The following IGDCC3 variants were observed in gnomAD, a reference collection of about 807,000 sequenced individuals.
The protein encoded by IGDCC3 is putative neuronal cell adhesion molecule.
IGDCC3 carries 47 observed loss-of-function variants against 72.0 expected under a neutral mutation model. That is an observed-to-expected ratio of 0.65 (90% CI 0.52 to 0.83). The LOEUF (loss-of-function observed/expected upper bound fraction) is 0.83, where lower values mean the gene tolerates loss of function less well. Among genes scored for constraint, IGDCC3 ranks in the 40% least tolerant of loss-of-function variants. The probability of loss-of-function intolerance (pLI) is 0.00; values close to 1 mark genes in which losing one functional copy is unlikely to be tolerated. For synonymous variants in IGDCC3, 477 were observed against 472.8 expected (o/e 1.01, Z -0.11); for missense variants, 1,038 against 1,091.3 (o/e 0.95, Z 0.69).
Position 65,377,754 on chromosome 15 carries a change from G to C in IGDCC3, c.35C>G (p.Pro12Arg), listed in dbSNP as rs1281026550. The change falls in exon 1 of 14, where the codon CCG becomes CGG. Residue 12 changes from proline to arginine, a missense_variant. Coordinates refer to ENST00000327987, the MANE Select transcript of IGDCC3 (RefSeq NM_004884.4). This position sits in a 1 kb window ranked among gnomAD's most constrained non-coding sequence, Gnocchi z 4.9. The part of the protein sequence containing the change: ...AVQRAASPRR[P>R]PAPLWPRLLL... ...GAGCCGGGGCCAGAGCGGGGCGGGC[G>C]GGCGGCGCGGAGACGCGGCGCGCTG... is the stretch of plus-strand genomic sequence containing the variant. The C allele has an allele frequency of 2.3e-6, 3 of 1,312,102 alleles. No homozygotes were observed. The highest frequency in any genetic ancestry group is 4.1e-5 in the Admixed American group (1 of 24,516). 81.3% of individuals were successfully genotyped at this position (1,312,102 alleles called of 1,614,324 possible). A position where few individuals can be genotyped will look rare whatever the true frequency, so the allele number is the denominator to read the frequency against.
At chr15:65,362,463 C>T (rs2091267557) in intron 2 of IGDCC3, among the ~76,000 whole-genome samples, 1 of 151,886 alleles carries the variant, frequency 6.6e-6, no homozygotes, top group African/African-American at 2.4e-5. Flanking sequence ...GAGGTATCCC[C>T]TCCAAGCCAG....
At chr15:65,361,912 A>G (rs1425369539) in intron 2 of IGDCC3, among the ~76,000 whole-genome samples, 1 of 152,182 alleles carries the variant, frequency 6.6e-6, no homozygotes, top group East Asian at 1.9e-4. Flanking sequence ...CGCCCCGCCC[A>G]GGGCAGAGCC....
chr15:65,350,676 G>A (rs1470065165), intron 2 of IGDCC3, among the ~76,000 whole-genome samples: 3 of 151,908 alleles, frequency 2.0e-5, no homozygotes, highest in African/African-American at 7.3e-5. Context: ...TTCCCAGGCT[G>A]GTCTCGAACT....
chr15:65,345,281 A>C (rs928079619), intron 2 of IGDCC3, among the ~76,000 whole-genome samples: 5 of 152,000 alleles, frequency 3.3e-5, no homozygotes, highest in African/African-American at 1.2e-4. Context: ...GGCCAGGTGC[A>C]GTGATTCATG....
intron 2 of IGDCC3, among the ~76,000 whole-genome samples, chr15:65,355,552 G>C (rs1027922120): frequency 6.7e-6 from 1 of 149,648 alleles, no homozygotes; most frequent in African/African-American, 2.4e-5. Flanking sequence ...CGGCGGCCGG[G>C]CCCGAGGCGG....
rs191564763 is a variant in IGDCC3, at chr15:65,352,868, T to C, written c.410-16912A>G. Reference sequence around the variant, plus strand: ...GTTTCAAGAACTATGGTACACTTATTGTTAAAGTCTAGTCTCATTAGTTGT... The same window carrying C: ...GTTTCAAGAACTATGGTACACTTATCGTTAAAGTCTAGTCTCATTAGTTGT... On this transcript the variant is annotated intron_variant, in intron 2 of 13. Transcript: ENST00000327987. Among the ~76,000 whole-genome samples the C allele has an allele frequency of 9.8e-5, 15 of 152,370 alleles. No homozygotes were observed. The East Asian group carries it at 2.9e-3, about 29-fold the overall frequency.
chr15:65,331,535 C>G lies in IGDCC3; in HGVS notation c.1273G>C (p.Gly425Arg), dbSNP rs780318295. 11 of 1,613,734 alleles carry G rather than the reference C, an allele frequency of 6.8e-6. No individual in the cohort carries two copies. Among genetic ancestry groups the G allele is most frequent in the Admixed American group, 5.0e-5 (3 of 59,996 alleles). The stretch of plus-strand genomic sequence containing the variant: ...ACTGCCCGCACATTGCGGGGAGGCC[C>G]GGGGAGCCCCTCAGCCCACAGTACG... ...LTVLWAEGLP[G>R]PPRNVRAVSV... The change falls in exon 8 of 14, where the codon GGG (glycine) becomes CGG (arginine). Residue 425 changes from glycine (G) to arginine (R), a missense_variant. Gly to Arg is a moderately radical substitution (Grantham distance 125). Transcript: ENST00000327987.
At chr15:65,369,395 CCA>C (rs2091309365) in intron 2 of IGDCC3, among the ~76,000 whole-genome samples, 1 of 152,202 alleles carries the variant, frequency 6.6e-6, no homozygotes, top group African/African-American at 2.4e-5. Flanking sequence ...GGCTTTTCTA[CCA>C]CACAACTTCT....
chr15:65,351,459 G>A (rs536718449), intron 2 of IGDCC3, among the ~76,000 whole-genome samples: 16 of 151,928 alleles, frequency 1.1e-4, no homozygotes, highest in East Asian at 1.9e-4. Flanking sequence ...GTGTGAACCC[G>A]GGAGGCAGAG....
intron 2 of IGDCC3, among the ~76,000 whole-genome samples, chr15:65,362,941 G>A (rs928157095): frequency 2.2e-5 from 3 of 135,300 alleles, no homozygotes; most frequent in African/African-American, 5.5e-5. Context: ...TGCAGCCTCC[G>A]CCTCCCGGGT....
At position 65,339,107 on chromosome 15, in the gene IGDCC3, A is replaced by C. The variant is rs1215187900; in HGVS notation, c.410-3151T>G. ...TTTTTTCTTTTTCTTTTTGAGACGGAATCTTGCTCTGTCACCCAGGCTGGA... is the reference window on the plus strand; with the variant it reads ...TTTTTTCTTTTTCTTTTTGAGACGGCATCTTGCTCTGTCACCCAGGCTGGA... On this transcript the variant is annotated intron_variant, in intron 2 of 13. Coordinates refer to ENST00000327987, the MANE Select transcript of IGDCC3 (RefSeq NM_004884.4). The surrounding 1 kb of genome is among the most constrained non-coding windows in gnomAD (Gnocchi z 4.1). 6.6e-6 allele frequency among the ~76,000 whole-genome samples: 1 copy of C among 151,700 alleles called. No individual in the cohort carries two copies. The highest frequency in any genetic ancestry group is 1.5e-5 in the Non-Finnish European group (1 of 67,914).
At chr15:65,369,786 AC>A (rs1265002688) in intron 2 of IGDCC3, among the ~76,000 whole-genome samples, 2 of 151,192 alleles carry the variant, frequency 1.3e-5, no homozygotes, top group East Asian at 3.9e-4. Flanking sequence ...TCCCTCCATG[AC>A]CCACCTCCCT....
At chr15:65,365,520 A>T (rs2091284560) in intron 2 of IGDCC3, among the ~76,000 whole-genome samples, 2 of 152,096 alleles carry the variant, frequency 1.3e-5, no homozygotes, top group Non-Finnish European at 2.9e-5. Context: ...GTCAGTGTCC[A>T]GGCTCAGAGA....
chr15:65,337,960 T>C (rs138066545), intron 2 of IGDCC3, among the ~76,000 whole-genome samples: 1 of 152,324 alleles, frequency 6.6e-6, no homozygotes, highest in African/African-American at 2.4e-5. Context: ...CTGGGCTCCC[T>C]GGAGGCACCC....
Position 65,329,643 on chromosome 15 carries a change from A to C in IGDCC3, c.1998-46T>G. Reference sequence around the variant, plus strand: ...GGGGGGAGGGAGAGAGAAAAGAGACAGAGGCAGTGAGCCCACACTCACCTT... The same window carrying C: ...GGGGGGAGGGAGAGAGAAAAGAGACCGAGGCAGTGAGCCCACACTCACCTT... On this transcript the variant is annotated intron_variant, in intron 12 of 13. Transcript: ENST00000327987. This position sits in a 1 kb window ranked among gnomAD's most constrained non-coding sequence, Gnocchi z 4.1. 1 of 1,610,956 alleles carries C rather than the reference A, an allele frequency of 6.2e-7. No individual in the cohort carries two copies. Among genetic ancestry groups the C allele is most frequent in the Non-Finnish European group, 8.5e-7 (1 of 1,177,482 alleles).
At position 65,329,957 on chromosome 15, in the gene IGDCC3, T is replaced by A. The variant is rs929886233; in HGVS notation, c.1859-93A>T. 4.4e-6 allele frequency: 6 copies of A among 1,370,728 alleles called. No homozygotes were observed. The East Asian group carries it at 6.9e-5, about 16-fold the overall frequency. 84.9% of individuals were successfully genotyped at this position (1,370,728 alleles called of 1,614,324 possible). On this transcript the variant is annotated intron_variant, in intron 11 of 13. Coordinates refer to ENST00000327987, the MANE Select transcript of IGDCC3 (RefSeq NM_004884.4). This position sits in a 1 kb window ranked among gnomAD's most constrained non-coding sequence, Gnocchi z 4.1. The stretch of plus-strand genomic sequence containing the variant: ...TGGGGACTCCTCTTCCTTCAGCTGC[T>A]CCCACTCCCAAGTGGGAGTGGGAAC...
chr15:65,364,656 G>T (rs1223487820), intron 2 of IGDCC3, among the ~76,000 whole-genome samples: 1 of 151,946 alleles, frequency 6.6e-6, no homozygotes, highest in Non-Finnish European at 1.5e-5. Context: ...GGAGGGTGAG[G>T]TGGGAGGATT....
rs1017358344 is a variant in IGDCC3 at position 65,329,306 on chromosome 15, G to A, written c.2205+84C>T. ...TGACTAAGGCCAATGATCGAGGCCCGTGGCCAAGGTGAAGGGGGGCAGGAT... is the reference window on the plus strand; with the variant it reads ...TGACTAAGGCCAATGATCGAGGCCCATGGCCAAGGTGAAGGGGGGCAGGAT... On this transcript the variant is annotated intron_variant, in intron 13 of 13. Coordinates refer to ENST00000327987, the MANE Select transcript of IGDCC3 (RefSeq NM_004884.4). This position sits in a 1 kb window ranked among gnomAD's most constrained non-coding sequence, Gnocchi z 4.1. The A allele has an allele frequency of 6.1e-6, 9 of 1,477,598 alleles. No homozygotes were observed. Among genetic ancestry groups the A allele is most frequent in the African/African-American group, 5.6e-5 (4 of 70,836 alleles). 91.5% of individuals were successfully genotyped at this position (1,477,598 alleles called of 1,614,324 possible).
intron 2 of IGDCC3, among the ~76,000 whole-genome samples, chr15:65,364,719 C>CA (rs11412860): frequency 0.32 from 48,422 of 151,714 alleles, 7,896 homozygotes; most frequent in East Asian, 0.52. Flanking sequence ...TAATCTCTAC[C>CA]AAAATACAAA....
Sources: gnomAD v4.1 joint callset for allele counts (sites outside exome capture counted in the v4.1 genomes callset) on GRCh38, gnomAD v4.1.1 for gene constraint, Gnocchi (gnomAD v3.1) non-coding constraint, MANE v1.5 for transcripts, NCBI Gene and HGNC (gene_info 2026-07-23, HGNC 2026-07-21) for gene names.